Variants in DOCK3 observed in about 807,000 individuals in gnomAD.
The protein encoded by DOCK3 is dedicator of cytokinesis 3.
Under a neutral mutation model 265.6 loss-of-function variants are expected in DOCK3, and 60 were observed. The ratio of observed to expected loss-of-function variants is 0.23; its 90% CI spans 0.18 to 0.28. The LOEUF is 0.28. DOCK3 is among the 10% of genes least tolerant of loss of function. The probability of loss-of-function intolerance (pLI) is 1.00; values close to 1 mark genes in which losing one functional copy is unlikely to be tolerated. For synonymous variants in DOCK3, 881 were observed against 938.0 expected (o/e 0.94, Z 1.11); for missense variants, 1,981 against 2,594.3 (o/e 0.76, Z 5.14).
intron 1 of DOCK3, among the ~76,000 whole-genome samples, chr3:50,742,375 G>C (rs1026370201): frequency 3.3e-4 from 50 of 152,222 alleles, no homozygotes; most frequent in Middle Eastern, 3.4e-3. Flanking sequence ...AGAGAAGAAG[G>C]CTTCAGACGA....
At chr3:50,706,181 C>T (rs1391466246) in intron 1 of DOCK3, among the ~76,000 whole-genome samples, 3 of 152,116 alleles carry the variant, frequency 2.0e-5, no homozygotes, top group Admixed American at 6.5e-5. Flanking sequence ...CAATTAAACC[C>T]TTTCCTTTAT....
chr3:51,202,456 AG>A (rs2088852257), intron 12 of DOCK3, among the ~76,000 whole-genome samples: 1 of 152,074 alleles, frequency 6.6e-6, no homozygotes, highest in Non-Finnish European at 1.5e-5. Context: ...CACCCTCCCA[AG>A]ACTAAACCAG....
At chr3:50,995,385 A>G (rs1236108064) in intron 5 of DOCK3, among the ~76,000 whole-genome samples, 1 of 152,246 alleles carries the variant, frequency 6.6e-6, no homozygotes, top group Non-Finnish European at 1.5e-5. Context: ...AGTCCTTAGC[A>G]GTAAGGCTCT....
rs929332374 is a variant in DOCK3 at position 51,263,695 on chromosome 3, A to T, written c.2355+3369A>T. ...AGACCCATCTCACATGCAAAGACAC[A>T]CATAGGCTCAAAATACAGGGATGGA... is the stretch of plus-strand genomic sequence containing the variant. On this transcript the variant is annotated intron_variant, in intron 23 of 52. Transcript: ENST00000266037. 8.5e-5 allele frequency among the ~76,000 whole-genome samples: 13 copies of T among 152,364 alleles called. No homozygotes were observed. The South Asian group carries it at 2.3e-3, about 27-fold the overall frequency.
intron 51 of DOCK3, chr3:51,379,703 C>T (rs1366588855): frequency 1.1e-6 from 1 of 900,266 alleles, no homozygotes; most frequent in Middle Eastern, 5.6e-4. Context: ...AAAACACCCC[C>T]ACCACAGGAA....
rs751867870 is a variant in DOCK3 at position 51,362,028 on chromosome 3, G to A, written c.5145+31G>A. On this transcript the variant is annotated intron_variant, in intron 48 of 52. Transcript: ENST00000266037. ...GAGCTGTCCACGGAGAGTGGGCCAGGGCACCATGCCTACAGAACTCACCTT... is the reference window on the plus strand; with the variant it reads ...GAGCTGTCCACGGAGAGTGGGCCAGAGCACCATGCCTACAGAACTCACCTT... 3.2e-5 allele frequency: 51 copies of A among 1,584,246 alleles called. No homozygotes were observed. The South Asian group carries it at 4.4e-4, about 14-fold the overall frequency.
Position 51,173,269 on chromosome 3 carries a change from T to C in DOCK3, c.1037+12567T>C, listed in dbSNP as rs576356500. 2.6e-5 allele frequency among the ~76,000 whole-genome samples: 4 copies of C among 152,218 alleles called. No homozygotes were observed. The South Asian group carries it at 8.3e-4, about 32-fold the overall frequency. On this transcript the variant is annotated intron_variant, in intron 12 of 52. Transcript: ENST00000266037. ...CTGAATAACTGGGACTACAGGCACA[T>C]ACCACCACACCCAACTAATTGTTGT...
intron 12 of DOCK3, among the ~76,000 whole-genome samples, chr3:51,172,465 C>G (rs1046627790): frequency 1.3e-5 from 2 of 152,302 alleles, no homozygotes; most frequent in African/African-American, 4.8e-5. Flanking sequence ...CATGAGCTAC[C>G]ACGCCCAGCT....
intron 27 of DOCK3, among the ~76,000 whole-genome samples, chr3:51,297,467 A>G (rs1456023614): frequency 5.3e-5 from 8 of 152,232 alleles, no homozygotes; most frequent in African/African-American, 1.9e-4. Flanking sequence ...AATATATTCA[A>G]AAAGACACCT....
At position 51,246,232 on chromosome 3, in the gene DOCK3, C is replaced by CTTT. The variant is rs34878916; in HGVS notation, c.2103-478_2103-476dup. ...CATCCAGTCCAGGTCTTTAGGAAAA[C>CTTT]TTTTTTTTTTTTTTTTTTCAGATGA... is the stretch of plus-strand genomic sequence containing the variant. On this transcript the variant is annotated intron_variant, in intron 21 of 52. Transcript: ENST00000266037. 4.2e-4 allele frequency among the ~76,000 whole-genome samples: 55 copies of CTTT among 130,608 alleles called. 1 individual carries two copies. The highest frequency in any genetic ancestry group is 4.0e-3 in the Middle Eastern group (1 of 248). 85.7% of individuals were successfully genotyped at this position (130,608 alleles called of 152,430 possible).
intron 1 of DOCK3, among the ~76,000 whole-genome samples, chr3:50,731,748 C>CTTCATTTTTAAT: frequency 6.6e-6 from 1 of 152,256 alleles, no homozygotes; most frequent in African/African-American, 2.4e-5. Flanking sequence ...GAAGAACCCA[C>CTTCATTTTTAAT]AGCTAACATC....
intron 5 of DOCK3, among the ~76,000 whole-genome samples, chr3:50,967,938 G>A (rs1235058938): frequency 1.3e-5 from 2 of 152,132 alleles, no homozygotes; most frequent in Admixed American, 6.5e-5. Context: ...TCTGTTTTCA[G>A]TTGTTTTGAG....
chr3:51,278,964 T>C (rs948343743), intron 26 of DOCK3, among the ~76,000 whole-genome samples: 3 of 152,120 alleles, frequency 2.0e-5, no homozygotes, highest in Non-Finnish European at 2.9e-5. Context: ...TTTAATAATT[T>C]CAGGCCAGGC....
intron 1 of DOCK3, among the ~76,000 whole-genome samples, chr3:50,717,689 C>T (rs1157116478): frequency 6.6e-6 from 1 of 152,212 alleles, no homozygotes; most frequent in African/African-American, 2.4e-5. Context: ...GTGGCGCAAT[C>T]TCAGCGCACT....
In DOCK3 at chr3:51,321,638, C is replaced by T. The variant is rs577260675; in HGVS notation, c.3402+6510C>T. Among the ~76,000 whole-genome samples the T allele has an allele frequency of 2.6e-5, 4 of 152,164 alleles. 1 individual carries two copies. The highest frequency in any genetic ancestry group is 9.6e-5 in the African/African-American group (4 of 41,520). On this transcript the variant is annotated intron_variant, in intron 32 of 52. Coordinates refer to ENST00000266037, the MANE Select transcript of DOCK3 (RefSeq NM_004947.5). Reference sequence around the variant, plus strand: ...CCAGTTTAGAGAAGAACATAAATGACCTGATGGAGCTGAAAAACACGGCAC... The same window carrying T: ...CCAGTTTAGAGAAGAACATAAATGATCTGATGGAGCTGAAAAACACGGCAC...
Position 51,354,096 on chromosome 3 carries a change from A to G in DOCK3, c.4108-786A>G, listed in dbSNP as rs114180197. Among the ~76,000 whole-genome samples, 648 of 152,294 alleles carry G rather than the reference A, an allele frequency of 4.3e-3. 4 individuals are homozygous for G. Among genetic ancestry groups the G allele is most frequent in the African/African-American group, 0.015 (617 of 41,566 alleles). On this transcript the variant is annotated intron_variant, in intron 40 of 52. Coordinates refer to ENST00000266037, the MANE Select transcript of DOCK3 (RefSeq NM_004947.5). ...GTTCTGCTGACATGTTTGCAAAGAA[A>G]TTTGCTGCCAAAGGGTTACTAATGC...
chr3:51,136,481 AC>A (rs1354856408), intron 9 of DOCK3, among the ~76,000 whole-genome samples: 2 of 151,030 alleles, frequency 1.3e-5, no homozygotes, highest in African/African-American at 4.9e-5. Context: ...CTTGTGATCC[AC>A]CCGTCTCGGC....
At chr3:50,787,612 T>G in intron 2 of DOCK3, 1 of 1,230,680 alleles carries the variant, frequency 8.1e-7, no homozygotes, top group Non-Finnish European at 1.2e-6. Flanking sequence ...CTCCTTTGTT[T>G]CCCGCTTCTT....
chr3:50,965,045 A>G (rs1379351379), intron 5 of DOCK3, among the ~76,000 whole-genome samples: 1 of 152,130 alleles, frequency 6.6e-6, no homozygotes, highest in African/African-American at 2.4e-5. Flanking sequence ...GAAGACCTGA[A>G]CCACCAGAAA....
Sources: allele counts gnomAD v4.1 joint callset (sites outside exome capture counted in the v4.1 genomes callset), GRCh38; gene constraint gnomAD v4.1.1; transcripts MANE v1.5; gene names NCBI Gene and HGNC (gene_info 2026-07-23, HGNC 2026-07-21).